The following NAALADL2 variants were observed in gnomAD, a reference collection of about 807,000 sequenced individuals.
The protein encoded by NAALADL2 is inactive N-acetylated-alpha-linked acidic dipeptidase-like protein 2.
Under a neutral mutation model 87.2 loss-of-function variants are expected in NAALADL2, and 76 were observed. The ratio of observed to expected loss-of-function variants is 0.87; its 90% CI spans 0.72 to 1.05. NAALADL2 has a LOEUF of 1.05. Ranked by LOEUF, NAALADL2 falls within the 50% of genes least tolerant of loss-of-function variation. The pLI is 0.00. For synonymous variants in NAALADL2, 354 were observed against 331.0 expected (o/e 1.07, Z -0.75); for missense variants, 1,089 against 945.8 (o/e 1.15, Z -1.99).
intron 11 of NAALADL2, among the ~76,000 whole-genome samples, chr3:175,688,085 A>T (rs1259243061): frequency 6.6e-6 from 1 of 152,148 alleles, no homozygotes; most frequent in Non-Finnish European, 1.5e-5. Flanking sequence ...TTGAATTAAT[A>T]TTCTGTTTGT....
chr3:175,414,446 T>A (rs2902107), intron 5 of NAALADL2, among the ~76,000 whole-genome samples: 27,548 of 152,180 alleles, frequency 0.18, 3,611 homozygotes, highest in African/African-American at 0.36. Flanking sequence ...TATAGACTAC[T>A]GATCTATATA....
intron 3 of NAALADL2, among the ~76,000 whole-genome samples, chr3:174,823,113 G>C (rs1721605679): frequency 6.6e-6 from 1 of 152,096 alleles, no homozygotes; most frequent in Non-Finnish European, 1.5e-5. Context: ...ACGTGCTTTT[G>C]GAAGAATTTA....
chr3:175,280,044 A>C (rs905923453), intron 4 of NAALADL2, among the ~76,000 whole-genome samples: 2 of 149,362 alleles, frequency 1.3e-5, no homozygotes, highest in Admixed American at 1.3e-4. Flanking sequence ...AAAAAAAAAA[A>C]CAGTTTTAAA....
At chr3:175,680,870 T>C (rs1023930720) in intron 11 of NAALADL2, among the ~76,000 whole-genome samples, 4 of 152,160 alleles carry the variant, frequency 2.6e-5, no homozygotes, top group African/African-American at 9.7e-5. Flanking sequence ...ATCCAAGCAC[T>C]TTGGGAGGCT....
intron 1 of NAALADL2, among the ~76,000 whole-genome samples, chr3:175,062,782 T>C (rs903676545): frequency 3.3e-5 from 5 of 152,114 alleles, no homozygotes; most frequent in Admixed American, 6.6e-5. Flanking sequence ...CCCAAAGACA[T>C]GCAGAAAGAA....
chr3:174,910,997 G>T (rs779355262), intron 1 of NAALADL2, among the ~76,000 whole-genome samples: 1 of 152,086 alleles, frequency 6.6e-6, no homozygotes, highest in Non-Finnish European at 1.5e-5. Context: ...TTATCTCACG[G>T]TTCTCAGGGG....
intron 11 of NAALADL2, among the ~76,000 whole-genome samples, chr3:175,660,057 CA>C (rs1404644529): frequency 6.6e-6 from 1 of 152,078 alleles, no homozygotes; most frequent in Non-Finnish European, 1.5e-5. Context: ...CCGTGGGCTT[CA>C]AAAATGGTGC....
rs539230666 is a variant in NAALADL2 at position 174,882,560 on chromosome 3, T to C, written c.43+23110T>C. 9.3e-4 allele frequency among the ~76,000 whole-genome samples: 138 copies of C among 148,258 alleles called. No individual in the cohort carries two copies. In the Middle Eastern group the frequency reaches 0.015, roughly 16 times the overall value. On this transcript the variant is annotated intron_variant, in intron 1 of 13. Coordinates refer to ENST00000454872, the MANE Select transcript of NAALADL2 (RefSeq NM_207015.3). ...GCATACACACATATGTACATATGTGTATATATACATATGTGCTTATACACA... is the reference window on the plus strand; with the variant it reads ...GCATACACACATATGTACATATGTGCATATATACATATGTGCTTATACACA...
At chr3:174,501,300 G>A (rs1208199278) in intron 1 of NAALADL2, among the ~76,000 whole-genome samples, 76 of 150,518 alleles carry the variant, frequency 5.0e-4, no homozygotes, top group African/African-American at 1.8e-3. Context: ...GGATGGTCTC[G>A]ATCTCCTGAC....
chr3:175,068,119 G>GA (rs1358409206), intron 1 of NAALADL2, among the ~76,000 whole-genome samples: 1 of 152,000 alleles, frequency 6.6e-6, no homozygotes, highest in Non-Finnish European at 1.5e-5. Context: ...GGCAAAGGCT[G>GA]AAAAACTACC....
chr3:175,764,961 G>T (rs1265855756), intron 13 of NAALADL2, among the ~76,000 whole-genome samples: 2 of 152,036 alleles, frequency 1.3e-5, no homozygotes, highest in Non-Finnish European at 2.9e-5. Context: ...TGTTCAGGTT[G>T]TACTTTCTTT....
intron 1 of NAALADL2, among the ~76,000 whole-genome samples, chr3:174,495,762 G>T (rs78480610): frequency 1.3e-5 from 2 of 150,708 alleles, no homozygotes; most frequent in Non-Finnish European, 3.0e-5. Context: ...TAGCAAAAAT[G>T]AAAAAAATAG....
intron 3 of NAALADL2, among the ~76,000 whole-genome samples, chr3:174,807,182 T>A (rs1719603743): frequency 6.6e-6 from 1 of 152,154 alleles, no homozygotes. Flanking sequence ...AATAACAGTC[T>A]CTTACATTAG....
At chr3:174,488,210 T>C (rs181980671) in intron 1 of NAALADL2, among the ~76,000 whole-genome samples, 15 of 152,168 alleles carry the variant, frequency 9.9e-5, no homozygotes, top group South Asian at 2.1e-4. Context: ...TTGGTCCTAA[T>C]GCAGTTTTCT....
chr3:175,466,141 C>A (rs529838510), intron 7 of NAALADL2, among the ~76,000 whole-genome samples: 2 of 152,276 alleles, frequency 1.3e-5, no homozygotes, highest in South Asian at 4.1e-4. Flanking sequence ...AATTTACCAT[C>A]CAGTTGTGGG....
chr3:174,664,438 T>C (rs1225635373), intron 2 of NAALADL2, among the ~76,000 whole-genome samples: 1 of 152,176 alleles, frequency 6.6e-6, no homozygotes, highest in Non-Finnish European at 1.5e-5. Context: ...TTATGGGGTT[T>C]TTAGAAGCAC....
chr3:175,409,257 T>G (rs1053771358), intron 5 of NAALADL2, among the ~76,000 whole-genome samples: 1 of 149,990 alleles, frequency 6.7e-6, no homozygotes, highest in African/African-American at 2.5e-5. Context: ...TCATTAGAGA[T>G]TCTCTTTTTT....
chr3:174,770,540 T>A (rs1714400230), intron 3 of NAALADL2, among the ~76,000 whole-genome samples: 1 of 152,206 alleles, frequency 6.6e-6, no homozygotes, highest in Non-Finnish European at 1.5e-5. Flanking sequence ...AAGGAATACA[T>A]AAGTTCTATT....
chr3:175,749,424 G>C (rs1482822762), intron 12 of NAALADL2, among the ~76,000 whole-genome samples: 1 of 152,258 alleles, frequency 6.6e-6, no homozygotes, highest in Non-Finnish European at 1.5e-5. Context: ...CTGTTCTGGA[G>C]GTTTGGAAGT....
Sources: gnomAD v4.1 joint callset for allele counts (sites outside exome capture counted in the v4.1 genomes callset) on GRCh38, gnomAD v4.1.1 for gene constraint, MANE v1.5 for transcripts, NCBI Gene and HGNC (gene_info 2026-07-23, HGNC 2026-07-21) for gene names.